The following ERCC8 variants were observed in gnomAD, a reference collection of about 807,000 sequenced individuals.
ERCC8 encodes DNA excision repair protein ERCC-8.
A neutral mutation model predicts 54.9 loss-of-function variants in ERCC8; 52 were observed. That is an observed-to-expected ratio of 0.95 (90% CI 0.76 to 1.19). ERCC8 has a LOEUF of 1.19. Ranked by LOEUF, ERCC8 falls within the 50% of genes most tolerant of loss-of-function variation. ERCC8 has a pLI of 0.00. For synonymous variants in ERCC8, 146 were observed against 157.2 expected, an observed-to-expected ratio of 0.93 and a Z score of 0.53; for missense variants, 514 against 466.1, an observed-to-expected ratio of 1.10 and a Z score of -0.95.
At chr5:60,944,878 T>C in intron 1 of ERCC8, 54 bp downstream of exon 1, 1 of 1,264,620 alleles carries the variant, frequency 7.9e-7, no homozygotes, top group East Asian at 2.3e-5. Context: ...AAGCTTACAG[T>C]CATTGGTCCA....
chr5:60,910,371 A>AT (rs1049763769), intron 4 of ERCC8, among the ~76,000 whole-genome samples: 1 of 152,148 alleles, frequency 6.6e-6, no homozygotes, highest in African/African-American at 2.4e-5. Flanking sequence ...GCTGTTTTGC[A>AT]TTTCCATATG....
chr5:60,903,867 T>TA (rs1164523158), intron 5 of ERCC8, 151 bp from the exon 6 acceptor site: 7 of 756,518 alleles, frequency 9.3e-6, no homozygotes, highest in Admixed American at 2.8e-5. Context: ...TTTTAATGTT[T>TA]ACATTTAGAA....
intron 1 of ERCC8, among the ~76,000 whole-genome samples, chr5:60,942,443 G>A (rs74786103): frequency 7.9e-4 from 120 of 152,228 alleles, no homozygotes; most frequent in African/African-American, 2.6e-3. Context: ...TGGTATATCT[G>A]CACAGTGGGA....
intron 9 of ERCC8, chr5:60,893,135 C>G (rs1166532831): frequency 8.6e-6 from 7 of 811,954 alleles, no homozygotes; most frequent in Admixed American, 5.4e-5. Flanking sequence ...TAGCCTCCCC[C>G]ATTTGGAAGC....
chr5:60,883,511 T>C (rs1051841253), intron 11 of ERCC8, among the ~76,000 whole-genome samples: 2 of 152,208 alleles, frequency 1.3e-5, no homozygotes, highest in Non-Finnish European at 2.9e-5. Flanking sequence ...ATAGAAATAA[T>C]GAAGCATGAG....
intron 7 of ERCC8, chr5:60,900,802 G>A (rs1748883088): frequency 1.3e-5 from 2 of 152,096 alleles, no homozygotes; most frequent in South Asian, 4.2e-4. Context: ...AATTCCTGGA[G>A]TATTCTTATA....
In ERCC8 at chr5:60,874,671, A is replaced by AT. The variant is rs780839675; in HGVS notation, c.1134dup (p.Ser379IlefsTer8). 1 of 1,607,774 alleles carries AT rather than the reference A, an allele frequency of 6.2e-7. No individual in the cohort carries two copies. The highest frequency in any genetic ancestry group is 1.1e-5 in the South Asian group (1 of 88,922). ...TCTTCAAAGGCCGGATTTAATTGTG[A>AT]TTTTGTTGTAGTCTAAAAAAAAAAA... On this transcript the variant is annotated frameshift_variant, in exon 12 of 12. Coordinates refer to ENST00000676185, the MANE Select transcript of ERCC8 (RefSeq NM_000082.4). LOFTEE classifies it high-confidence loss of function.
chr5:60,892,018 C>G, intron 9 of ERCC8: 3 of 526,404 alleles, frequency 5.7e-6, no homozygotes, highest in Non-Finnish European at 1.2e-5. Context: ...TTTATCTGCA[C>G]ATTTCTGTAA....
At chr5:60,938,371 T>TTTTTTTTTG (rs1750154410) in intron 1 of ERCC8, among the ~76,000 whole-genome samples, 1 of 145,244 alleles carries the variant, frequency 6.9e-6, no homozygotes. Context: ...TTTTTTTTTT[T>TTTTTTTTTG]TGAGACGGAG....
At chr5:60,898,093 T>C (rs778088340) in intron 9 of ERCC8, among the ~76,000 whole-genome samples, 183 bp downstream of exon 9, 1 of 152,140 alleles carries the variant, frequency 6.6e-6, no homozygotes, top group Non-Finnish European at 1.5e-5. Flanking sequence ...GAGAATGTGG[T>C]AGGTAGTGGG....
intron 4 of ERCC8, among the ~76,000 whole-genome samples, chr5:60,908,578 T>C: frequency 1.1e-5 from 1 of 89,600 alleles, no homozygotes; most frequent in Admixed American, 1.3e-4. Flanking sequence ...TATATATATA[T>C]ATATATTTTT....
chr5:60,876,036 A>G (rs1375135545), intron 11 of ERCC8, among the ~76,000 whole-genome samples: 2 of 141,670 alleles, frequency 1.4e-5, no homozygotes, highest in Non-Finnish European at 3.0e-5. Flanking sequence ...CCCTACCCCC[A>G]CCCCACAACA....
intron 11 of ERCC8, among the ~76,000 whole-genome samples, chr5:60,883,029 T>G (rs909701544): frequency 6.6e-6 from 1 of 150,494 alleles, no homozygotes; most frequent in Non-Finnish European, 1.5e-5. Context: ...ATAAGCCACA[T>G]GAGGGCCATG....
chr5:60,911,320 T>A (rs1409185906), intron 4 of ERCC8, among the ~76,000 whole-genome samples: 2 of 152,074 alleles, frequency 1.3e-5, no homozygotes, highest in African/African-American at 4.8e-5. Flanking sequence ...CACACTGTGG[T>A]TTTGATTTGC....
chr5:60,940,068 G>T (rs896273851), intron 1 of ERCC8, among the ~76,000 whole-genome samples: 2 of 152,006 alleles, frequency 1.3e-5, no homozygotes, highest in African/African-American at 4.8e-5. Context: ...TTGTCTGCTA[G>T]ATCTTTTGAA....
At chr5:60,906,937 G>C (rs928313896) in intron 4 of ERCC8, among the ~76,000 whole-genome samples, 3 of 152,110 alleles carry the variant, frequency 2.0e-5, no homozygotes, top group Non-Finnish European at 2.9e-5. Flanking sequence ...GTTTTGCAAA[G>C]GCAGTTTCAA....
At chr5:60,892,786 G>A (rs1187750050) in intron 9 of ERCC8, 5 of 685,830 alleles carry the variant, frequency 7.3e-6, no homozygotes, top group African/African-American at 3.6e-5. Flanking sequence ...AACTTGTCCA[G>A]GTAGACCTCC....
At chr5:60,899,054 A>AG (rs1748800352) in intron 8 of ERCC8, among the ~76,000 whole-genome samples, 2 of 151,478 alleles carry the variant, frequency 1.3e-5, no homozygotes, top group African/African-American at 4.8e-5. Flanking sequence ...TGTTTTATAT[A>AG]GTTTTATGTA....
intron 11 of ERCC8, among the ~76,000 whole-genome samples, chr5:60,883,284 A>C (rs963758595): frequency 3.5e-4 from 54 of 152,222 alleles, no homozygotes; most frequent in Admixed American, 2.1e-3. Context: ...AACAATCACA[A>C]ATAAATATTA....
Sources: allele counts gnomAD v4.1 joint callset (sites outside exome capture counted in the v4.1 genomes callset), GRCh38; gene constraint gnomAD v4.1.1; transcripts MANE v1.5; gene names NCBI Gene and HGNC (gene_info 2026-07-23, HGNC 2026-07-21).